Variants in CDH13 observed in about 807,000 individuals in gnomAD.
CDH13 encodes cadherin-13.
A neutral mutation model predicts 63.8 loss-of-function variants in CDH13; 24 were observed. That is an observed-to-expected ratio of 0.38 (90% CI 0.27 to 0.53). CDH13 has a LOEUF of 0.53. Among genes scored for constraint, CDH13 ranks in the 20% least tolerant of loss-of-function variants. The probability of loss-of-function intolerance (pLI) is 0.85; values close to 1 mark genes in which losing one functional copy is unlikely to be tolerated. For synonymous variants in CDH13, 503 were observed against 355.3 expected (o/e 1.42, Z -4.67); for missense variants, 1,049 against 903.1 (o/e 1.16, Z -2.07).
chr16:83,359,358 T>C (rs60782089), intron 6 of CDH13, among the ~76,000 whole-genome samples: 13 of 152,164 alleles, frequency 8.5e-5, no homozygotes, highest in Non-Finnish European at 1.2e-4. Flanking sequence ...CAAGTAGATA[T>C]CAGGCTTTGA....
At chr16:83,161,002 C>G (rs1298968969) in intron 4 of CDH13, among the ~76,000 whole-genome samples, 1 of 152,200 alleles carries the variant, frequency 6.6e-6, no homozygotes, top group African/African-American at 2.4e-5. Context: ...CTTGAGATCG[C>G]TGCCATTGCT....
chr16:83,707,029 C>A (rs1030256356), intron 10 of CDH13, among the ~76,000 whole-genome samples: 1 of 152,132 alleles, frequency 6.6e-6, no homozygotes, highest in African/African-American at 2.4e-5. Context: ...ATGCAGGTGT[C>A]CCCACAAAGA....
In CDH13 at chr16:83,679,715, G is replaced by T. The variant is rs139237252; in HGVS notation, c.1538+1254G>T. 3.3e-5 allele frequency among the ~76,000 whole-genome samples: 5 copies of T among 152,282 alleles called. No homozygotes were observed. In the East Asian group the frequency reaches 9.6e-4, roughly 29 times the overall value. On this transcript the variant is annotated intron_variant, in intron 10 of 13. Transcript: ENST00000567109. ...CTTAAGTACTTAGATGGGAAAACTCGTAGCTTAACAGACTACAAGGTAGTT... is the reference window on the plus strand; with the variant it reads ...CTTAAGTACTTAGATGGGAAAACTCTTAGCTTAACAGACTACAAGGTAGTT...
At chr16:82,679,716 C>G (rs946705156) in intron 1 of CDH13, among the ~76,000 whole-genome samples, 1 of 152,148 alleles carries the variant, frequency 6.6e-6, no homozygotes. Context: ...TAATACCAAC[C>G]TCATACTGTT....
intron 7 of CDH13, among the ~76,000 whole-genome samples, chr16:83,554,754 C>A (rs984908117): frequency 4.6e-5 from 7 of 152,144 alleles, no homozygotes; most frequent in African/African-American, 1.4e-4. Context: ...AGACTGATGT[C>A]ACCCTTATTA....
At chr16:82,957,672 CTTA>C (rs959839055) in intron 2 of CDH13, among the ~76,000 whole-genome samples, 5 of 152,250 alleles carry the variant, frequency 3.3e-5, no homozygotes, top group African/African-American at 1.2e-4. Context: ...TGCATAATCA[CTTA>C]TTATTGTGAT....
chr16:83,425,413 C>A (rs1355827229), intron 6 of CDH13, among the ~76,000 whole-genome samples: 3 of 152,238 alleles, frequency 2.0e-5, no homozygotes, highest in East Asian at 1.9e-4. Flanking sequence ...CAGCCACTTA[C>A]CTGCTGCGTT....
intron 8 of CDH13, among the ~76,000 whole-genome samples, chr16:83,632,255 T>C (rs1473962035): frequency 3.2e-5 from 3 of 93,432 alleles, no homozygotes; most frequent in Admixed American, 1.2e-4. Context: ...CAGGATGGGC[T>C]GACACTGTAG....
intron 7 of CDH13, among the ~76,000 whole-genome samples, chr16:83,549,901 C>G (rs1190120064): frequency 6.6e-6 from 1 of 152,140 alleles, no homozygotes; most frequent in East Asian, 1.9e-4. Flanking sequence ...GAGGGGAAGA[C>G]TCTGACGGAG....
At chr16:82,801,458 C>T (rs1453412380) in intron 1 of CDH13, among the ~76,000 whole-genome samples, 1 of 152,236 alleles carries the variant, frequency 6.6e-6, no homozygotes, top group Non-Finnish European at 1.5e-5. Flanking sequence ...TCAGGAACAT[C>T]TCTGGCCCTC....
chr16:82,686,987 A>G (rs1280083678), intron 1 of CDH13, among the ~76,000 whole-genome samples: 2 of 152,232 alleles, frequency 1.3e-5, no homozygotes, highest in Non-Finnish European at 2.9e-5. Flanking sequence ...GCTTCGTTCA[A>G]TAAAGATTGT....
chr16:82,700,770 G>C (rs2030889478), intron 1 of CDH13, among the ~76,000 whole-genome samples: 2 of 152,126 alleles, frequency 1.3e-5, no homozygotes, highest in African/African-American at 4.8e-5. Context: ...GTTCCTGACA[G>C]GATGCATTTT....
chr16:83,270,616 A>G (rs1212952162), intron 5 of CDH13, among the ~76,000 whole-genome samples: 2 of 152,172 alleles, frequency 1.3e-5, no homozygotes, highest in Admixed American at 6.5e-5. Context: ...CGGATCCTGT[A>G]TGTGTGCATG....
At chr16:83,636,488 C>G (rs1461312161) in intron 8 of CDH13, among the ~76,000 whole-genome samples, 2 of 152,078 alleles carry the variant, frequency 1.3e-5, no homozygotes, top group African/African-American at 4.8e-5. Context: ...TGTTTATGTC[C>G]ATTTGCACCC....
intron 7 of CDH13, among the ~76,000 whole-genome samples, chr16:83,531,921 G>A (rs1450640817): frequency 6.6e-6 from 1 of 152,180 alleles, no homozygotes; most frequent in Non-Finnish European, 1.5e-5. Flanking sequence ...TGGTTTAGCT[G>A]TGTCCCCACT....
At chr16:82,669,193 C>G (rs1597271398) in intron 1 of CDH13, among the ~76,000 whole-genome samples, 1 of 152,214 alleles carries the variant, frequency 6.6e-6, no homozygotes. Context: ...CTTGAGGACA[C>G]CATTCCTCTC....
chr16:83,516,457 T>C (rs1204956253), intron 7 of CDH13, among the ~76,000 whole-genome samples: 1 of 152,242 alleles, frequency 6.6e-6, no homozygotes, highest in African/African-American at 2.4e-5. Context: ...GGATCTGATT[T>C]TATTTCAGAG....
At chr16:82,935,989 T>C (rs1371035908) in intron 2 of CDH13, among the ~76,000 whole-genome samples, 1 of 152,130 alleles carries the variant, frequency 6.6e-6, no homozygotes, top group Non-Finnish European at 1.5e-5. Context: ...TGCTCACCCA[T>C]TGGTTCTGTC....
intron 1 of CDH13, among the ~76,000 whole-genome samples, chr16:82,723,947 T>A (rs908100678): frequency 6.6e-6 from 1 of 152,146 alleles, no homozygotes; most frequent in Non-Finnish European, 1.5e-5. Context: ...TAACAGATGA[T>A]GTTGGGGGCA....
Sources: gnomAD v4.1 joint callset for allele counts (sites outside exome capture counted in the v4.1 genomes callset) on GRCh38, gnomAD v4.1.1 for gene constraint, MANE v1.5 for transcripts, NCBI Gene and HGNC (gene_info 2026-07-23, HGNC 2026-07-21) for gene names.